Variants in RTTN observed in about 807,000 individuals in gnomAD.
RTTN encodes the protein rotatin.
In RTTN, 182 loss-of-function variants were observed where a neutral mutation model predicts 269.2. That is an observed-to-expected ratio of 0.68 (90% CI 0.60 to 0.76). The LOEUF is 0.76. Among genes scored for constraint, RTTN ranks in the 30% least tolerant of loss-of-function variants. The pLI, the probability that RTTN is intolerant of heterozygous loss-of-function variation, is 0.00. For synonymous variants in RTTN, 1,006 were observed against 963.5 expected (o/e 1.04, Z -0.82); for missense variants, 2,545 against 2,608.6 (o/e 0.98, Z 0.53).
rs183715905 is a variant in RTTN at position 70,196,586 on chromosome 18, C to T, written c.756G>A (p.Ser252=). Reference sequence around the variant, plus strand: ...TGCACAGCTGCTGCAGGCAGGACACCGACTGTAATGCCAGGCGATGCTTTC... The same window carrying T: ...TGCACAGCTGCTGCAGGCAGGACACTGACTGTAATGCCAGGCGATGCTTTC... ...GDGKHRLALQ[S]VSCLQQLCMY... is the part of the protein sequence containing the mutation. The change falls in exon 7 of 49, where the codon TCG becomes TCA. Residue 252 remains serine, a synonymous_variant. Transcript: ENST00000640769. The T allele has an allele frequency of 2.9e-5, 47 of 1,596,826 alleles. No individual in the cohort carries two copies. Among genetic ancestry groups the T allele is most frequent in the South Asian group, 3.3e-5 (3 of 89,972 alleles).
intron 38 of RTTN, 55 bp downstream of exon 38, chr18:70,054,075 GT>G (rs1351441218): frequency 3.7e-5 from 52 of 1,420,300 alleles, no homozygotes; most frequent in Admixed American, 5.8e-5. Flanking sequence ...AACAGAGTAA[GT>G]TTTTTTTCCT....
rs949881404 is a variant in RTTN at position 70,129,829 on chromosome 18, T to G, written c.2955-1283A>C. On this transcript the variant is annotated intron_variant, in intron 23 of 48. Coordinates refer to ENST00000640769, the MANE Select transcript of RTTN (RefSeq NM_173630.4). ...ATAGCAAAGGAAACAGTCAACAAAG[T>G]GAAGAGACCACCTATGGAATGAGAG... is the stretch of plus-strand genomic sequence containing the variant. The G allele has an allele frequency of 2.8e-4, 42 of 151,918 alleles. 1 individual carries two copies. Among genetic ancestry groups the G allele is most frequent in the Non-Finnish European group, 4.4e-5 (3 of 67,942 alleles). 9.4% of individuals were successfully genotyped at this position (151,918 alleles called of 1,614,324 possible). A position where few individuals can be genotyped will look rare whatever the true frequency, so the allele number is the denominator to read the frequency against.
intron 17 of RTTN, among the ~76,000 whole-genome samples, chr18:70,146,624 G>A (rs11662947): frequency 6.6e-6 from 1 of 152,068 alleles, no homozygotes; most frequent in African/African-American, 2.4e-5. Flanking sequence ...CTGTATGCAG[G>A]CCTGCCACCT....
intron 39 of RTTN, among the ~76,000 whole-genome samples, chr18:70,049,806 C>A (rs1465296019): frequency 1.3e-5 from 2 of 151,966 alleles, no homozygotes; most frequent in Admixed American, 1.3e-4. Flanking sequence ...TTTTAGTGGG[C>A]AACTATCATG....
chr18:70,166,329 T>G (rs1032396602), intron 13 of RTTN, 141 bp from the exon 14 acceptor site: 1 of 743,826 alleles, frequency 1.3e-6, no homozygotes, highest in African/African-American at 1.8e-5. Flanking sequence ...TACTAGCAAG[T>G]ACTCACCTAA....
In RTTN at chr18:70,048,135, C is replaced by A. The variant is rs771978067; in HGVS notation, c.5377G>T (p.Ala1793Ser). Residue 1793 changes from alanine to serine, a missense_variant, in exon 40 of 49, where the codon GCC becomes TCC. Transcript: ENST00000640769. The stretch of plus-strand genomic sequence containing the variant: ...AGAACAGAAAGGAATTGCAAGCTGG[C>A]AGTATACAGGGCAGGACACGTGGCA... ...LSATCPALYT[A>S]SLQFLSVLLT... 1 of 1,614,054 alleles carries A rather than the reference C, an allele frequency of 6.2e-7. No homozygotes were observed. The highest frequency in any genetic ancestry group is 1.7e-5 in the Admixed American group (1 of 59,996).
chr18:70,055,052 T>C (rs1049134557), intron 37 of RTTN, among the ~76,000 whole-genome samples: 4 of 152,142 alleles, frequency 2.6e-5, no homozygotes, highest in Non-Finnish European at 4.4e-5. Context: ...AAAATTACTA[T>C]TATTAATTAT....
At chr18:70,180,787 A>G (rs1439907022) in intron 10 of RTTN, among the ~76,000 whole-genome samples, 2 of 152,174 alleles carry the variant, frequency 1.3e-5, no homozygotes, top group Non-Finnish European at 2.9e-5. Flanking sequence ...TTAGTGTCTG[A>G]CATACAGTAA....
intron 34 of RTTN, among the ~76,000 whole-genome samples, chr18:70,070,361 C>T (rs1018751253): frequency 2.0e-5 from 3 of 152,226 alleles, no homozygotes; most frequent in African/African-American, 7.2e-5. Flanking sequence ...TCTCCATCAT[C>T]ACACAAACTA....
At chr18:70,143,332 C>A (rs142955884) in intron 18 of RTTN, among the ~76,000 whole-genome samples, 1,886 of 152,232 alleles carry the variant, frequency 0.012, 23 homozygotes, top group South Asian at 0.039. Context: ...ACAGCAAACA[C>A]ATGGAATCAA....
rs777545926 is a variant in RTTN, at chr18:70,205,194, T to C, written c.153A>G (p.Glu51=). The change falls in exon 2 of 49, where the codon GAA becomes GAG. Residue 51 remains glutamate, a synonymous_variant. Coordinates refer to ENST00000640769, the MANE Select transcript of RTTN (RefSeq NM_173630.4). The part of the protein sequence containing the change: ...QERQLFLHLL[E]WFNFPSVPMK... ...TCGGAACGGACGGGAAATTGAACCA[T>C]TCCAGCAAATGAAGAAAAAGTTGCC... The C allele has an allele frequency of 1.7e-5, 27 of 1,614,106 alleles. No homozygotes were observed. Among genetic ancestry groups the C allele is most frequent in the African/African-American group, 2.7e-5 (2 of 74,940 alleles).
intron 31 of RTTN, 125 bp downstream of exon 31, chr18:70,087,864 G>A (rs1410429263): frequency 2.2e-6 from 2 of 915,360 alleles, no homozygotes; most frequent in Non-Finnish European, 3.2e-6. Flanking sequence ...TTTTGTTTGG[G>A]TGTTCACAGA....
At chr18:70,122,312 A>C (rs2036849470) in intron 25 of RTTN, among the ~76,000 whole-genome samples, 1 of 152,140 alleles carries the variant, frequency 6.6e-6, no homozygotes, top group Non-Finnish European at 1.5e-5. Flanking sequence ...TAAAACTTTT[A>C]TTTAAAAGGG....
intron 46 of RTTN, among the ~76,000 whole-genome samples, chr18:70,011,130 T>C (rs1249331109): frequency 2.0e-5 from 3 of 152,080 alleles, no homozygotes; most frequent in Admixed American, 6.6e-5. Context: ...CGGGACCAGA[T>C]GAATTCACAG....
At chr18:70,086,528 A>T in intron 32 of RTTN, 85 bp downstream of exon 32, 1 of 1,048,296 alleles carries the variant, frequency 9.5e-7, no homozygotes, top group Non-Finnish European at 1.4e-6. Context: ...TTTCATCAAT[A>T]ATGAAATATA....
At chr18:70,122,324 G>A (rs2059760018) in intron 25 of RTTN, among the ~76,000 whole-genome samples, 1 of 151,958 alleles carries the variant, frequency 6.6e-6, no homozygotes, top group African/African-American at 2.4e-5. Flanking sequence ...TTAAAAGGGA[G>A]AAGTAGTTTG....
intron 9 of RTTN, among the ~76,000 whole-genome samples, chr18:70,189,387 G>A (rs952078936): frequency 7.2e-5 from 11 of 152,088 alleles, no homozygotes; most frequent in Non-Finnish European, 1.5e-4. Context: ...ATAGACATGG[G>A]ACTTAAAGAA....
At chr18:70,100,790 C>T (rs1346760018) in intron 28 of RTTN, among the ~76,000 whole-genome samples, 2 of 152,136 alleles carry the variant, frequency 1.3e-5, no homozygotes, top group Non-Finnish European at 1.5e-5. Flanking sequence ...GCATGAAGGG[C>T]TGTTGAATTT....
chr18:70,109,536 G>A lies in RTTN; in HGVS notation c.3865C>T (p.Leu1289=). The part of the protein sequence containing the change: ...WSSHSPLTKP[L]DICVKYLSGL... The stretch of plus-strand genomic sequence containing the variant: ...GACAAGTACTTCACACAGATATCTA[G>A]AGGCTTTGTGAGAGGAGAGTGTGAG... The change falls in exon 28 of 49, where the codon CTA becomes TTA. Residue 1289 remains leucine, a synonymous_variant. Coordinates refer to ENST00000640769, the MANE Select transcript of RTTN (RefSeq NM_173630.4). The A allele has an allele frequency of 6.2e-7, 1 of 1,614,014 alleles. No individual in the cohort carries two copies. Among genetic ancestry groups the A allele is most frequent in the Non-Finnish European group, 8.5e-7 (1 of 1,180,020 alleles).
Sources: gnomAD v4.1 joint callset for allele counts (sites outside exome capture counted in the v4.1 genomes callset) on GRCh38, gnomAD v4.1.1 for gene constraint, MANE v1.5 for transcripts, NCBI Gene and HGNC (gene_info 2026-07-23, HGNC 2026-07-21) for gene names.